Variants in CDH2 observed in about 807,000 individuals in gnomAD.
The protein encoded by CDH2 is cadherin 2, also known as cadherin-2.
CDH2 carries 17 observed loss-of-function variants against 92.0 expected under a neutral mutation model. The observed-to-expected ratio is 0.18, with a 90% CI of 0.13 to 0.28. CDH2 has a LOEUF of 0.28. CDH2 is among the 10% of genes least tolerant of loss of function. The probability of loss-of-function intolerance (pLI) is 1.00; values close to 1 mark genes in which losing one functional copy is unlikely to be tolerated. For missense variants in CDH2, 862 were observed against 1,133.1 expected, an observed-to-expected ratio of 0.76 and a Z score of 3.44; for synonymous variants, 419 against 415.9, an observed-to-expected ratio of 1.01 and a Z score of -0.09.
At chr18:28,147,884 C>A in intron 1 of CDH2, 100 bp from the exon 2 acceptor site, 1 of 663,212 alleles carries the variant, frequency 1.5e-6, no homozygotes, top group Non-Finnish European at 2.6e-6. Flanking sequence ...TTTCAACTAT[C>A]TTGTACAAAC....
chr18:28,007,165 A>AAATAT lies in CDH2; in HGVS notation c.703-1173_703-1172insATATT, dbSNP rs1172779200. Reference sequence around the variant, plus strand: ...ACAGAGTGAGACTCCATAAAAAAAAAATATATATATATATATATATATATA... The same window carrying AAATAT: ...ACAGAGTGAGACTCCATAAAAAAAAAAATATATATATATATATATATATATATATA... On this transcript the variant is annotated intron_variant, in intron 5 of 15. Coordinates refer to ENST00000269141, the MANE Select transcript of CDH2 (RefSeq NM_001792.5). Among the ~76,000 whole-genome samples, 168 of 110,450 alleles carry AAATAT rather than the reference A, an allele frequency of 1.5e-3. 2 individuals are homozygous for AAATAT. The highest frequency in any genetic ancestry group is 6.2e-3 in the East Asian group (27 of 4,352). 72.5% of individuals were successfully genotyped at this position (110,450 alleles called of 152,430 possible). A position where few individuals can be genotyped will look rare whatever the true frequency, so the allele number is the denominator to read the frequency against.
At chr18:28,123,680 G>A (rs1196394787) in intron 2 of CDH2, among the ~76,000 whole-genome samples, 1 of 152,118 alleles carries the variant, frequency 6.6e-6, no homozygotes, top group Non-Finnish European at 1.5e-5. Flanking sequence ...TGGCAGTGAT[G>A]CTTGGAAGGG....
chr18:27,952,442 C>G (rs926970989), intron 15 of CDH2, 83 bp from the exon 16 acceptor site: 2 of 1,021,742 alleles, frequency 2.0e-6, no homozygotes, highest in Non-Finnish European at 3.0e-6. Flanking sequence ...AATGAATTCA[C>G]GGGATCAAAC....
Position 28,052,752 on chromosome 18 carries a change from C to A in CDH2, c.173-38843G>T, listed in dbSNP as rs138641959. ...ACCTGCTCAATATCACGAAACAGTT[C>A]ATTGAAACAAGATGCCTTGTTTTAT... On this transcript the variant is annotated intron_variant, in intron 2 of 15. Transcript: ENST00000269141. 5.5e-3 allele frequency among the ~76,000 whole-genome samples: 838 copies of A among 152,258 alleles called. 5 individuals are homozygous for A. The highest frequency in any genetic ancestry group is 8.6e-3 in the Non-Finnish European group (586 of 68,012).
At chr18:28,020,829 T>A (rs970798372) in intron 2 of CDH2, among the ~76,000 whole-genome samples, 1 of 152,020 alleles carries the variant, frequency 6.6e-6, no homozygotes, top group African/African-American at 2.4e-5. Flanking sequence ...TAATAATGCA[T>A]TGTTATTTAT....
chr18:27,936,762 T>C (rs564944429), intron 6 of CDH2, among the ~76,000 whole-genome samples: 1 of 152,282 alleles, frequency 6.6e-6, no homozygotes, highest in East Asian at 1.9e-4. Context: ...CTCAAACTCC[T>C]GGGCTCAAGT....
chr18:28,164,074 A>G (rs377230604), intron 1 of CDH2, among the ~76,000 whole-genome samples: 1 of 152,188 alleles, frequency 6.6e-6, no homozygotes, highest in Admixed American at 6.5e-5. Context: ...AGACTCCTCT[A>G]TATCGTATCC....
At chr18:28,130,137 C>G (rs2015742230) in intron 2 of CDH2, among the ~76,000 whole-genome samples, 2 of 152,188 alleles carry the variant, frequency 1.3e-5, no homozygotes, top group African/African-American at 2.4e-5. Flanking sequence ...GTCTAGGATA[C>G]AGGTTTCAAT....
At chr18:28,002,631 TAAC>T (rs1272885562) in intron 7 of CDH2, among the ~76,000 whole-genome samples, 2 of 152,196 alleles carry the variant, frequency 1.3e-5, no homozygotes, top group Admixed American at 6.5e-5. Flanking sequence ...ACACAAGCAT[TAAC>T]AATTATCCTA....
At chr18:28,006,094 G>T in intron 5 of CDH2, 101 bp from the exon 6 acceptor site, 1 of 934,308 alleles carries the variant, frequency 1.1e-6, no homozygotes, top group Non-Finnish European at 1.6e-6. Flanking sequence ...TAAACTCACA[G>T]CTGAAAAACA....
At chr18:27,942,130 C>G (rs1217511706) in intron 6 of CDH2, among the ~76,000 whole-genome samples, 2 of 152,114 alleles carry the variant, frequency 1.3e-5, no homozygotes, top group African/African-American at 4.8e-5. Flanking sequence ...CTCTTACCCA[C>G]ATAAGTGTGT....
intron 2 of CDH2, chr18:28,036,385 C>A: frequency 2.6e-6 from 2 of 763,882 alleles, no homozygotes; most frequent in East Asian, 2.4e-5. Flanking sequence ...GTACTTTGTA[C>A]ATAAGTCTTC....
chr18:28,118,858 G>C (rs1341303352), intron 2 of CDH2, among the ~76,000 whole-genome samples: 2 of 151,804 alleles, frequency 1.3e-5, no homozygotes, highest in Non-Finnish European at 2.9e-5. Context: ...GCTTATGAAA[G>C]GAAACAACAT....
intron 2 of CDH2, among the ~76,000 whole-genome samples, chr18:28,120,641 C>T (rs1441723225): frequency 1.3e-5 from 2 of 151,954 alleles, no homozygotes; most frequent in Admixed American, 6.6e-5. Flanking sequence ...ATGAACAGTA[C>T]TATAAAACAC....
intron 6 of CDH2, among the ~76,000 whole-genome samples, chr18:27,936,507 TTTC>T (rs962010960): frequency 6.6e-6 from 1 of 152,140 alleles, no homozygotes; most frequent in Non-Finnish European, 1.5e-5. Flanking sequence ...TGTATTTTTC[TTTC>T]TTATACTGTT....
chr18:28,097,058 C>G (rs909864740), intron 2 of CDH2: 1 of 152,226 alleles, frequency 6.6e-6, no homozygotes, highest in African/African-American at 2.4e-5. Flanking sequence ...AATATTTTCT[C>G]CTACCTCTGT....
In CDH2 at chr18:28,177,101, G is replaced by A. The variant is rs894493915; in HGVS notation, c.-79C>T. The A allele has an allele frequency of 2.8e-5, 32 of 1,129,938 alleles. No individual in the cohort carries two copies. The South Asian group carries it at 4.5e-4, about 16-fold the overall frequency. The allele number at this position is 1,129,938 out of a possible 1,614,324, so 70.0% of individuals were successfully genotyped here. ...GGCGGCGGAGGAGGAGGAGGCAGCG[G>A]CAGCACCAACAGCGGCGCGGAGAAA... On this transcript the variant is annotated 5_prime_UTR_variant, in exon 1 of 16. Transcript: ENST00000269141.
chr18:28,162,336 A>T (rs140265516), intron 1 of CDH2, among the ~76,000 whole-genome samples: 4 of 152,248 alleles, frequency 2.6e-5, no homozygotes, highest in Admixed American at 6.5e-5. Flanking sequence ...GGGAGCACAA[A>T]TGCTTGGAAC....
At chr18:28,060,332 C>T (rs952397940) in intron 2 of CDH2, among the ~76,000 whole-genome samples, 16 of 151,990 alleles carry the variant, frequency 1.1e-4, no homozygotes, top group Non-Finnish European at 1.9e-4. Flanking sequence ...ACTACAGGCG[C>T]GTGCTACCAT....
Sources: gnomAD v4.1 joint callset for allele counts (sites outside exome capture counted in the v4.1 genomes callset) on GRCh38, gnomAD v4.1.1 for gene constraint, MANE v1.5 for transcripts, NCBI Gene and HGNC (gene_info 2026-07-23, HGNC 2026-07-21) for gene names.